The following CDKL1 variants were observed in gnomAD, a reference collection of about 807,000 sequenced individuals.
The protein encoded by CDKL1 is cyclin dependent kinase like 1.
Under a neutral mutation model 42.0 loss-of-function variants are expected in CDKL1, and 41 were observed. That is an observed-to-expected ratio of 0.98 (90% CI 0.76 to 1.27). The LOEUF (loss-of-function observed/expected upper bound fraction) is 1.27, where lower values mean the gene tolerates loss of function less well. Ranked by LOEUF, CDKL1 falls within the 50% of genes most tolerant of loss-of-function variation. CDKL1 has a pLI of 0.00. For missense variants in CDKL1, 394 were observed against 428.4 expected, an observed-to-expected ratio of 0.92 and a Z score of 0.71; for synonymous variants, 153 against 158.6, an observed-to-expected ratio of 0.96 and a Z score of 0.26.
intron 2 of CDKL1, among the ~76,000 whole-genome samples, chr14:50,375,130 A>T (rs913621751): frequency 5.9e-5 from 9 of 152,238 alleles, no homozygotes; most frequent in African/African-American, 1.9e-4. Flanking sequence ...ACCCAATTCT[A>T]GAACTTGGGC....
chr14:50,393,036 G>A (rs1289498936), intron 2 of CDKL1, among the ~76,000 whole-genome samples: 1 of 152,110 alleles, frequency 6.6e-6, no homozygotes, highest in African/African-American at 2.4e-5. Flanking sequence ...TGGGCATCTT[G>A]GCTAAGACAC....
At chr14:50,342,816 A>C in intron 4 of CDKL1, 1 of 1,137,568 alleles carries the variant, frequency 8.8e-7, no homozygotes, top group South Asian at 1.6e-5. Flanking sequence ...TGGGAAGAGA[A>C]GGGTGGCAAC....
rs1490181746 is a variant in CDKL1, at chr14:50,341,185, G to A, written c.502C>T (p.Arg168Cys). The A allele has an allele frequency of 8.1e-6, 13 of 1,613,938 alleles. No homozygotes were observed. The highest frequency in any genetic ancestry group is 2.2e-5 in the South Asian group (2 of 91,064). ...TCCCCCACCAGCAGCTCAGGGGAGC[G>A]GTACCACCTGGTAGCCACGTAGTCT... ...YTDYVATRWYRSPELLVGDTQ... is the reference protein window; with the variant it reads ...YTDYVATRWYCSPELLVGDTQ... The change falls in exon 6 of 10, where the codon CGC becomes TGC. Residue 168 changes from arginine to cysteine, a missense_variant. Physicochemically the swap from Arg to Cys is radical, Grantham distance 180. Coordinates refer to ENST00000395834, the MANE Select transcript of CDKL1 (RefSeq NM_004196.7).
At chr14:50,346,651 G>GTTTTTTTTTTTTTTTTTT (rs375954757) in intron 3 of CDKL1, among the ~76,000 whole-genome samples, 2 of 123,636 alleles carry the variant, frequency 1.6e-5, no homozygotes, top group Non-Finnish European at 3.3e-5. Flanking sequence ...TTAAATTTTT[G>GTTTTTTTTTTTTTTTTTT]GTTTTTTTTT....
intron 3 of CDKL1, among the ~76,000 whole-genome samples, chr14:50,350,884 G>A (rs1173398817): frequency 6.6e-6 from 1 of 152,140 alleles, no homozygotes; most frequent in East Asian, 1.9e-4. Context: ...CTGTTGCCCA[G>A]CTCCCCAGAG....
intron 2 of CDKL1, among the ~76,000 whole-genome samples, chr14:50,391,793 C>T (rs2035264150): frequency 6.6e-6 from 1 of 152,186 alleles, no homozygotes; most frequent in African/African-American, 2.4e-5. Flanking sequence ...AGTTTTTTCT[C>T]TACTGGATTT....
chr14:50,359,042 G>A lies in CDKL1; in HGVS notation c.276C>T (p.Asp92=), dbSNP rs780649226. Residue 92 remains aspartate (D), a synonymous_variant, in exon 3 of 10, where the codon GAC becomes GAT. Transcript: ENST00000395834. The stretch of plus-strand genomic sequence containing the variant: ...GGATCACTCACCCTCTTTGGTATCT[G>A]TCCAACTCATGGAGAACTGTGTGGT... The part of the protein sequence containing the change: ...YCDHTVLHEL[D]RYQRGVPEHL... 5 of 1,612,334 alleles carry A rather than the reference G, an allele frequency of 3.1e-6. No individual in the cohort carries two copies. The South Asian group carries it at 5.5e-5, about 18-fold the overall frequency.
chr14:50,396,995 G>T (rs2035432109), upstream of CDKL1: 1 of 1,027,452 alleles, frequency 9.7e-7, no homozygotes, highest in African/African-American at 1.7e-5. Flanking sequence ...CAGCCCGGCC[G>T]CCCTCCCGGC....
At chr14:50,372,398 G>A (rs1219832085) in intron 2 of CDKL1, among the ~76,000 whole-genome samples, 2 of 152,204 alleles carry the variant, frequency 1.3e-5, no homozygotes, top group African/African-American at 4.8e-5. Flanking sequence ...GATTACAGGC[G>A]TGAGCCACCA....
chr14:50,382,755 G>A, intron 2 of CDKL1, among the ~76,000 whole-genome samples: 1 of 137,666 alleles, frequency 7.3e-6, no homozygotes, highest in East Asian at 1.9e-4. Flanking sequence ...CACCACACCT[G>A]GGTAATTTTC....
intron 2 of CDKL1, among the ~76,000 whole-genome samples, chr14:50,365,132 T>C (rs1008780274): frequency 2.6e-5 from 4 of 152,180 alleles, no homozygotes; most frequent in African/African-American, 9.7e-5. Flanking sequence ...GAAATGTGGC[T>C]CTAACTAGAT....
upstream of CDKL1, chr14:50,397,132 C>G (rs1025211791): frequency 2.2e-6 from 3 of 1,365,510 alleles, no homozygotes; most frequent in Non-Finnish European, 2.9e-6. Context: ...CAAAGCGCAG[C>G]TGTAACCGCG....
intron 3 of CDKL1, among the ~76,000 whole-genome samples, chr14:50,349,793 T>C (rs971049167): frequency 6.6e-6 from 1 of 152,072 alleles, no homozygotes; most frequent in African/African-American, 2.4e-5. Flanking sequence ...TTTTGAGACG[T>C]TGTCTCCCTC....
chr14:50,337,681 CTT>C (rs71118872), intron 7 of CDKL1, among the ~76,000 whole-genome samples: 25 of 133,522 alleles, frequency 1.9e-4, no homozygotes, highest in Admixed American at 2.4e-4. Context: ...TTTTTTCTTT[CTT>C]TTTTTTTTTT....
intron 9 of CDKL1, 134 bp downstream of exon 9, chr14:50,332,128 T>C (rs771979148): frequency 8.1e-6 from 13 of 1,609,430 alleles, no homozygotes; most frequent in Non-Finnish European, 1.1e-5. Flanking sequence ...GGGGCCCTGG[T>C]TGATAGATCC....
At chr14:50,334,899 G>T in intron 7 of CDKL1, 9 of 234,774 alleles carry the variant, frequency 3.8e-5, no homozygotes, top group African/African-American at 5.0e-5. Context: ...AAATACTAAT[G>T]AAAAAAAACT....
At chr14:50,374,114 TAA>T (rs892382398) in intron 2 of CDKL1, among the ~76,000 whole-genome samples, 1 of 152,092 alleles carries the variant, frequency 6.6e-6, no homozygotes, top group Non-Finnish European at 1.5e-5. Flanking sequence ...TAACAAGCCA[TAA>T]AAGACAGGTA....
chr14:50,397,037 G>T (rs774216930), upstream of CDKL1: 50 of 1,284,470 alleles, frequency 3.9e-5, 1 homozygote, highest in South Asian at 6.2e-4. Flanking sequence ...GCCGCCCTCC[G>T]TCCATGGGAG....
At position 50,368,464 on chromosome 14, in the gene CDKL1, A is replaced by G. The variant is rs145547052; in HGVS notation, c.169-9315T>C. On this transcript the variant is annotated intron_variant, in intron 2 of 9. Coordinates refer to ENST00000395834, the MANE Select transcript of CDKL1 (RefSeq NM_004196.7). Reference sequence around the variant, plus strand: ...ATTTTTTTAGAGACAGTGTCTCACTATGTTGCCCAGGCTGATCTCAGACTC... The same window carrying G: ...ATTTTTTTAGAGACAGTGTCTCACTGTGTTGCCCAGGCTGATCTCAGACTC... Among the ~76,000 whole-genome samples the G allele has an allele frequency of 9.6e-3, 1,459 of 151,846 alleles. 30 individuals are homozygous for G. Among genetic ancestry groups the G allele is most frequent in the African/African-American group, 0.032 (1,312 of 41,368 alleles).
Sources: gnomAD v4.1 joint callset for allele counts (sites outside exome capture counted in the v4.1 genomes callset) on GRCh38, gnomAD v4.1.1 for gene constraint, MANE v1.5 for transcripts, NCBI Gene and HGNC (gene_info 2026-07-23, HGNC 2026-07-21) for gene names.